The following NBEA variants were observed in gnomAD, a reference collection of about 807,000 sequenced individuals.
NBEA encodes the protein lysosomal-trafficking regulator 2.
A neutral mutation model predicts 343.4 loss-of-function variants in NBEA; 44 were observed. That is an observed-to-expected ratio of 0.13 (90% CI 0.10 to 0.16). The LOEUF (loss-of-function observed/expected upper bound fraction) is 0.16. Among genes scored for constraint, NBEA ranks in the 10% least tolerant of loss-of-function variants. NBEA has a pLI of 1.00. For synonymous variants in NBEA, 1,175 were observed against 1,238.7 expected (o/e 0.95, Z 1.08); for missense variants, 2,555 against 3,631.3 (o/e 0.70, Z 7.62).
At chr13:35,661,896 G>A (rs1380409592) in intron 55 of NBEA, among the ~76,000 whole-genome samples, 1 of 152,088 alleles carries the variant, frequency 6.6e-6, no homozygotes, top group Non-Finnish European at 1.5e-5. Flanking sequence ...GATTTTATCA[G>A]GAGGTTCATC....
At chr13:35,212,997 A>C (rs1204890104) in intron 33 of NBEA, among the ~76,000 whole-genome samples, 1 of 151,946 alleles carries the variant, frequency 6.6e-6, no homozygotes, top group African/African-American at 2.4e-5. Flanking sequence ...TATTTTGATC[A>C]ACAGAAGTTG....
rs1169014311 is a variant in NBEA, at chr13:35,172,871, G to C, written c.4424-593G>C. Among the ~76,000 whole-genome samples the C allele has an allele frequency of 2.0e-5, 3 of 152,138 alleles. 1 individual carries two copies. The highest frequency in any genetic ancestry group is 7.2e-5 in the African/African-American group (3 of 41,536). ...TCTGATTTCAAACTCTGTACTACTT[G>C]TTACAGTATTCTACTGCTTCTTAAA... On this transcript the variant is annotated intron_variant, in intron 26 of 58. Transcript: ENST00000379939.
rs571873868 is a variant in NBEA at position 35,002,885 on chromosome 13, T to A, written c.295-38048T>A. On this transcript the variant is annotated intron_variant, in intron 1 of 58. Coordinates refer to ENST00000379939, the MANE Select transcript of NBEA (RefSeq NM_001385012.1). ...GAAGTGGTAGTCAGTTGGCGAGAGG[T>A]CAGGTGAATATGGCGGATGAGGCAA... 2.0e-5 allele frequency among the ~76,000 whole-genome samples: 3 copies of A among 152,116 alleles called. No individual in the cohort carries two copies. In the South Asian group the frequency reaches 6.2e-4, roughly 32 times the overall value.
intron 18 of NBEA, among the ~76,000 whole-genome samples, chr13:35,152,013 A>T (rs557637493): frequency 2.8e-4 from 42 of 152,210 alleles, no homozygotes; most frequent in African/African-American, 7.7e-4. Flanking sequence ...TCTCAGCAAT[A>T]ATATCTGTTT....
At chr13:35,236,032 G>A (rs531970505) in intron 34 of NBEA, among the ~76,000 whole-genome samples, 1 of 152,208 alleles carries the variant, frequency 6.6e-6, no homozygotes, top group Admixed American at 6.5e-5. Flanking sequence ...AAACTATATG[G>A]ATGTAATATT....
chr13:35,393,308 A>G (rs929211834), intron 38 of NBEA, among the ~76,000 whole-genome samples: 3 of 152,154 alleles, frequency 2.0e-5, no homozygotes, highest in African/African-American at 7.2e-5. Context: ...ATTGTAGAGC[A>G]TCCACTAGAG....
chr13:35,474,755 C>T (rs926944975), intron 41 of NBEA: 4 of 290,484 alleles, frequency 1.4e-5, no homozygotes, highest in South Asian at 7.5e-5. Context: ...GTGTTCGTCT[C>T]GGTCTGGCGT....
At chr13:35,430,365 G>GA (rs1490692074) in intron 38 of NBEA, among the ~76,000 whole-genome samples, 2 of 152,028 alleles carry the variant, frequency 1.3e-5, no homozygotes, top group Non-Finnish European at 2.9e-5. Context: ...TATAGATTAT[G>GA]AAAATTTTCT....
chr13:35,241,840 C>G (rs1023562080), intron 34 of NBEA, among the ~76,000 whole-genome samples: 2 of 151,864 alleles, frequency 1.3e-5, no homozygotes, highest in African/African-American at 4.8e-5. Flanking sequence ...TATCCCACAC[C>G]CTCCTCAACA....
intron 32 of NBEA, among the ~76,000 whole-genome samples, chr13:35,209,564 C>T (rs1048584251): frequency 2.2e-4 from 33 of 151,850 alleles, no homozygotes; most frequent in Non-Finnish European, 1.5e-5. Flanking sequence ...AAATCCTTAC[C>T]CAAATCTTTG....
intron 53 of NBEA, among the ~76,000 whole-genome samples, chr13:35,654,437 G>A (rs1014218305): frequency 3.9e-5 from 6 of 152,130 alleles, no homozygotes; most frequent in African/African-American, 1.4e-4. Flanking sequence ...ATCTGAAAAT[G>A]ACAGACTTGG....
At chr13:35,249,396 A>G (rs960984901) in intron 34 of NBEA, among the ~76,000 whole-genome samples, 2 of 152,212 alleles carry the variant, frequency 1.3e-5, no homozygotes, top group Admixed American at 6.5e-5. Context: ...TTCAGAATGT[A>G]TAAGAACTCT....
At chr13:35,070,940 C>T in intron 10 of NBEA, 88 bp downstream of exon 10, 1 of 1,387,292 alleles carries the variant, frequency 7.2e-7, no homozygotes. Flanking sequence ...AAATGTATTA[C>T]AGTATTTGGG....
intron 57 of NBEA, 146 bp downstream of exon 57, chr13:35,667,716 G>C (rs186113442): frequency 4.1e-6 from 3 of 732,402 alleles, no homozygotes; most frequent in East Asian, 5.5e-5. Context: ...TTGCGGACTG[G>C]TACTTTAAAG....
intron 24 of NBEA, among the ~76,000 whole-genome samples, chr13:35,166,432 A>T (rs914999067): frequency 6.6e-6 from 1 of 152,112 alleles, no homozygotes; most frequent in African/African-American, 2.4e-5. Flanking sequence ...ATTACGATTC[A>T]ATTTTGACCA....
At chr13:35,001,974 C>T (rs930366729) in intron 1 of NBEA, among the ~76,000 whole-genome samples, 1 of 152,026 alleles carries the variant, frequency 6.6e-6, no homozygotes, top group Non-Finnish European at 1.5e-5. Flanking sequence ...CAGTATATCC[C>T]CGTATCACTG....
intron 38 of NBEA, among the ~76,000 whole-genome samples, chr13:35,394,817 T>C (rs2042667964): frequency 6.6e-6 from 1 of 152,170 alleles, no homozygotes; most frequent in South Asian, 2.1e-4. Context: ...TGTTTTGTTT[T>C]TTTCTAATTT....
intron 7 of NBEA, among the ~76,000 whole-genome samples, chr13:35,057,370 C>A (rs1292754956): frequency 2.6e-5 from 4 of 152,050 alleles, no homozygotes; most frequent in African/African-American, 4.8e-5. Context: ...CTGACCCTCC[C>A]CCTGTTTCTG....
At chr13:35,232,868 G>C (rs769039633) in intron 34 of NBEA, among the ~76,000 whole-genome samples, 2 of 152,066 alleles carry the variant, frequency 1.3e-5, no homozygotes, top group East Asian at 1.9e-4. Flanking sequence ...GGGAGGCTTT[G>C]GCTCTTTAAT....
Sources: allele counts gnomAD v4.1 joint callset (sites outside exome capture counted in the v4.1 genomes callset), GRCh38; gene constraint gnomAD v4.1.1; transcripts MANE v1.5; gene names NCBI Gene and HGNC (gene_info 2026-07-23, HGNC 2026-07-21).